FAM107B: variants seen among roughly 807,000 people sequenced by gnomAD.
FAM107B encodes the protein family with sequence similarity 107 member B, also known as protein FAM107B.
FAM107B carries 21 observed loss-of-function variants against 31.5 expected under a neutral mutation model. The ratio of observed to expected loss-of-function variants is 0.67; its 90% CI spans 0.47 to 0.96. The LOEUF (loss-of-function observed/expected upper bound fraction) is 0.96, where lower values mean the gene tolerates loss of function less well. FAM107B is among the 40% of genes least tolerant of loss of function. The pLI, the probability that FAM107B is intolerant of heterozygous loss-of-function variation, is 0.00. For synonymous variants in FAM107B, 157 were observed against 141.5 expected, an observed-to-expected ratio of 1.11 and a Z score of -0.78; for missense variants, 452 against 377.1, an observed-to-expected ratio of 1.20 and a Z score of -1.64.
At chr10:14,622,863 CCCTGTAGAAATCACAGGGATTTCTTT>C (rs1345202200) in intron 2 of FAM107B, among the ~76,000 whole-genome samples, 1 of 152,150 alleles carries the variant, frequency 6.6e-6, no homozygotes, top group African/African-American at 2.4e-5. Context: ...GATTGGAGTT[CCCTGTAGAAATCACAGGGATTTCTTT>C]CCTGTAGAAA....
intron 1 of FAM107B, among the ~76,000 whole-genome samples, chr10:14,702,477 G>A (rs1855423550): frequency 6.6e-6 from 1 of 152,176 alleles, no homozygotes; most frequent in African/African-American, 2.4e-5. Flanking sequence ...CCCCTGAGTA[G>A]CTGAGATTAC....
chr10:14,538,076 A>G (rs906286788), intron 2 of FAM107B, among the ~76,000 whole-genome samples: 1 of 152,160 alleles, frequency 6.6e-6, no homozygotes, highest in South Asian at 2.1e-4. Flanking sequence ...GGGATGATGG[A>G]TGGACGAACC....
At chr10:14,572,798 G>A (rs1340865483) in intron 2 of FAM107B, among the ~76,000 whole-genome samples, 10 of 133,454 alleles carry the variant, frequency 7.5e-5, no homozygotes, top group African/African-American at 2.2e-4. Context: ...ATAGGTGTAT[G>A]TAGATATACA....
intron 1 of FAM107B, among the ~76,000 whole-genome samples, chr10:14,671,335 G>T (rs1854535622): frequency 6.6e-6 from 1 of 152,170 alleles, no homozygotes; most frequent in African/African-American, 2.4e-5. Context: ...CAATTTGAAT[G>T]GTGAGTAAAA....
At chr10:14,723,474 C>T (rs1338130850) in intron 1 of FAM107B, 5 of 568,686 alleles carry the variant, frequency 8.8e-6, no homozygotes, top group South Asian at 3.0e-5. Context: ...TGACCTGTCA[C>T]GGGTGTTTAC....
intron 2 of FAM107B, among the ~76,000 whole-genome samples, chr10:14,558,667 C>T (rs969798352): frequency 7.9e-5 from 12 of 151,932 alleles, no homozygotes; most frequent in African/African-American, 2.2e-4. Flanking sequence ...CTCTGGTGAA[C>T]GCAGGAAGGA....
chr10:14,750,869 C>T (rs1275570590), intron 1 of FAM107B, among the ~76,000 whole-genome samples: 3 of 152,122 alleles, frequency 2.0e-5, no homozygotes, highest in African/African-American at 7.2e-5. Context: ...AGGGATGGGA[C>T]AGAGTGGGGA....
chr10:14,588,174 A>C (rs1851904435), intron 2 of FAM107B, among the ~76,000 whole-genome samples: 2 of 152,200 alleles, frequency 1.3e-5, no homozygotes, highest in African/African-American at 4.8e-5. Context: ...ACGTCCACCA[A>C]GAAGCACATG....
In FAM107B at chr10:14,530,300, A is replaced by T. The variant is rs754449389; in HGVS notation, c.653+32T>A. 13 of 1,072,432 alleles carry T rather than the reference A, an allele frequency of 1.2e-5. No homozygotes were observed. In the African/African-American group the frequency reaches 1.5e-4, roughly 12 times the overall value. The allele number at this position is 1,072,432 out of a possible 1,614,324, so 66.4% of individuals were successfully genotyped here. ...ATATCATGATCTTAAAAGTCCTCTT[A>T]AAAAAAAAATATGCTCAAGAAACCA... On this transcript the variant is annotated intron_variant, in intron 3 of 4. Transcript: ENST00000181796.
At chr10:14,764,869 C>T (rs895528070) in intron 1 of FAM107B, among the ~76,000 whole-genome samples, 1 of 152,188 alleles carries the variant, frequency 6.6e-6, no homozygotes, top group Non-Finnish European at 1.5e-5. Context: ...TTCAGCTATA[C>T]ACACGTAGGT....
chr10:14,707,945 G>A (rs1483728658), intron 1 of FAM107B, among the ~76,000 whole-genome samples: 2 of 152,324 alleles, frequency 1.3e-5, no homozygotes, highest in East Asian at 3.9e-4. Context: ...GGAAGGCACA[G>A]CATGTGTTAA....
Position 14,581,454 on chromosome 10 carries a change from G to C in FAM107B, c.470-50939C>G, listed in dbSNP as rs118032473. Reference sequence around the variant, plus strand: ...AGTTGATTCAAGTGTCAGAGTTCCAGGCCACCAAATGCAGTGGAAAAATTA... The same window carrying C: ...AGTTGATTCAAGTGTCAGAGTTCCACGCCACCAAATGCAGTGGAAAAATTA... On this transcript the variant is annotated intron_variant, in intron 2 of 4. Transcript: ENST00000181796. Among the ~76,000 whole-genome samples the C allele has an allele frequency of 8.9e-3, 1,352 of 152,344 alleles. 5 individuals carry two copies. The highest frequency in any genetic ancestry group is 0.013 in the Non-Finnish European group (853 of 68,024).
intron 1 of FAM107B, among the ~76,000 whole-genome samples, chr10:14,736,433 C>T (rs956486693): frequency 6.6e-6 from 1 of 152,192 alleles, no homozygotes; most frequent in African/African-American, 2.4e-5. Context: ...ATCTAAGGGA[C>T]AAGCCAAACT....
chr10:14,575,350 C>T (rs544998735), intron 2 of FAM107B, among the ~76,000 whole-genome samples: 1 of 151,996 alleles, frequency 6.6e-6, no homozygotes, highest in Non-Finnish European at 1.5e-5. Flanking sequence ...ATTACAAGAG[C>T]GTGCCACCAC....
At chr10:14,654,078 G>A (rs1853973749) in intron 2 of FAM107B, 1 of 149,248 alleles carries the variant, frequency 6.7e-6, no homozygotes, top group Admixed American at 6.8e-5. Context: ...GGATAGGGAG[G>A]TACCAGCTAA....
intron 2 of FAM107B, chr10:14,571,904 A>G: frequency 2.0e-6 from 2 of 985,460 alleles, no homozygotes; most frequent in Non-Finnish European, 2.4e-6. Context: ...GAACGGTTAC[A>G]GAGACTGACC....
At chr10:14,768,547 G>A (rs1459983691) in intron 1 of FAM107B, among the ~76,000 whole-genome samples, 1 of 152,230 alleles carries the variant, frequency 6.6e-6, no homozygotes, top group African/African-American at 2.4e-5. Context: ...GGAAAAGACA[G>A]TGTTGTCAAC....
chr10:14,551,799 T>C (rs1849291843), intron 2 of FAM107B, among the ~76,000 whole-genome samples: 1 of 152,202 alleles, frequency 6.6e-6, no homozygotes, highest in Non-Finnish European at 1.5e-5. Context: ...TTTAATCCAC[T>C]GAAATGCCAG....
intron 1 of FAM107B, among the ~76,000 whole-genome samples, chr10:14,748,724 G>A (rs1832772891): frequency 6.6e-6 from 1 of 152,238 alleles, no homozygotes; most frequent in Middle Eastern, 3.2e-3. Flanking sequence ...AGTCTGGGGT[G>A]TGGTCCCTGG....
Sources: gnomAD v4.1 joint callset for allele counts (sites outside exome capture counted in the v4.1 genomes callset) on GRCh38, gnomAD v4.1.1 for gene constraint, MANE v1.5 for transcripts, NCBI Gene and HGNC (gene_info 2026-07-23, HGNC 2026-07-21) for gene names.